Variants in FOXP1 observed in about 807,000 individuals in gnomAD.
FOXP1 encodes the protein forkhead box P1, also known as forkhead box protein P1.
Under a neutral mutation model 98.2 loss-of-function variants are expected in FOXP1, and 15 were observed. The observed-to-expected ratio is 0.15, with a 90% confidence interval of 0.10 to 0.24. The LOEUF (loss-of-function observed/expected upper bound fraction) is 0.24. FOXP1 is among the 10% of genes least tolerant of loss of function. The pLI is 1.00. For missense variants in FOXP1, 633 were observed against 848.5 expected, an observed-to-expected ratio of 0.75 and a Z score of 3.15; for synonymous variants, 371 against 314.5, an observed-to-expected ratio of 1.18 and a Z score of -1.90.
chr3:71,523,760 G>C lies in FOXP1; in HGVS notation c.-297-30205C>G, dbSNP rs115804108. Among the ~76,000 whole-genome samples, 257 of 152,206 alleles carry C rather than the reference G, an allele frequency of 1.7e-3. 2 individuals are homozygous for C. Among genetic ancestry groups the C allele is most frequent in the African/African-American group, 6.1e-3 (253 of 41,510 alleles). The stretch of plus-strand genomic sequence containing the variant: ...TAAGGCATGGATACAGTTTTAGGAG[G>C]CCCTAACATGACTCACAGGGCCCTA... On this transcript the variant is annotated intron_variant, in intron 2 of 20. Transcript: ENST00000649528.
chr3:71,171,013 A>G (rs2061626676), intron 6 of FOXP1, among the ~76,000 whole-genome samples: 3 of 152,152 alleles, frequency 2.0e-5, no homozygotes, highest in Admixed American at 2.0e-4. Flanking sequence ...TTCTTCACCT[A>G]AAACTAACTG....
At chr3:71,384,399 G>C (rs931138884) in intron 3 of FOXP1, among the ~76,000 whole-genome samples, 17 of 152,158 alleles carry the variant, frequency 1.1e-4, no homozygotes, top group African/African-American at 2.9e-4. Context: ...AAAAGCAACG[G>C]AAACAAGGAA....
At chr3:71,505,332 C>A (rs2041728241) in intron 2 of FOXP1, among the ~76,000 whole-genome samples, 1 of 152,048 alleles carries the variant, frequency 6.6e-6, no homozygotes, top group Non-Finnish European at 1.5e-5. Context: ...GACATCTCCC[C>A]CAAGACAGGA....
chr3:71,103,764 A>C (rs888725280), intron 7 of FOXP1, among the ~76,000 whole-genome samples: 1 of 152,232 alleles, frequency 6.6e-6, no homozygotes, highest in African/African-American at 2.4e-5. Flanking sequence ...TCAAATTGAC[A>C]GGGAACGTGA....
intron 3 of FOXP1, among the ~76,000 whole-genome samples, chr3:71,471,639 AT>A (rs1190820582): frequency 1.3e-5 from 2 of 152,180 alleles, no homozygotes; most frequent in Admixed American, 1.3e-4. Context: ...TATAGCGGAC[AT>A]GCAAATTGAA....
chr3:71,051,173 C>T, intron 9 of FOXP1, among the ~76,000 whole-genome samples: 1 of 152,198 alleles, frequency 6.6e-6, no homozygotes, highest in East Asian at 1.9e-4. Context: ...GTGCCATTTC[C>T]ATTTTAATTA....
chr3:70,974,311 T>G (rs1006921732), intron 17 of FOXP1, among the ~76,000 whole-genome samples: 4 of 152,210 alleles, frequency 2.6e-5, no homozygotes, highest in African/African-American at 9.6e-5. Context: ...TTTTTTTTCT[T>G]TTTTTGAAAC....
At chr3:70,979,306 A>AGAAAAG in intron 14 of FOXP1, among the ~76,000 whole-genome samples, 1 of 147,222 alleles carries the variant, frequency 6.8e-6, no homozygotes, top group South Asian at 2.2e-4. Context: ...AAAAAAAAAA[A>AGAAAAG]AAAAAAAAAA....
At chr3:71,536,162 T>G (rs1384541411) in intron 2 of FOXP1, among the ~76,000 whole-genome samples, 1 of 152,148 alleles carries the variant, frequency 6.6e-6, no homozygotes, top group Non-Finnish European at 1.5e-5. Flanking sequence ...GTTTTCAATT[T>G]CACCATGGGT....
intron 5 of FOXP1, among the ~76,000 whole-genome samples, chr3:71,260,235 A>G (rs1404591252): frequency 1.3e-5 from 2 of 152,130 alleles, no homozygotes; most frequent in African/African-American, 4.8e-5. Context: ...CGCCCGCCTC[A>G]GCCTCCCAAA....
chr3:71,003,290 C>T (rs1400472710), intron 12 of FOXP1, among the ~76,000 whole-genome samples: 3 of 152,198 alleles, frequency 2.0e-5, no homozygotes, highest in African/African-American at 7.2e-5. Context: ...TTCTGTGTCT[C>T]TTTTGCAGGA....
At chr3:71,072,974 C>T (rs1413360640) in intron 7 of FOXP1, among the ~76,000 whole-genome samples, 1 of 152,162 alleles carries the variant, frequency 6.6e-6, no homozygotes, top group Non-Finnish European at 1.5e-5. Flanking sequence ...ATGCGTCTAG[C>T]CTGCAGGCCA....
At chr3:71,053,574 G>A in intron 8 of FOXP1, 62 bp downstream of exon 8, 2 of 1,604,756 alleles carry the variant, frequency 1.2e-6, no homozygotes, top group Non-Finnish European at 8.5e-7. Context: ...GATTGCGAAT[G>A]GAGTGATGGG....
chr3:71,507,090 C>T (rs747978782), intron 2 of FOXP1, among the ~76,000 whole-genome samples: 2 of 152,216 alleles, frequency 1.3e-5, no homozygotes, highest in Non-Finnish European at 2.9e-5. Context: ...AATGTGTGAG[C>T]TGCTGCCAGT....
At chr3:71,285,510 G>T (rs566794294) in intron 5 of FOXP1, among the ~76,000 whole-genome samples, 1 of 152,244 alleles carries the variant, frequency 6.6e-6, no homozygotes, top group South Asian at 2.1e-4. Context: ...AGGGTGAAAA[G>T]TGGGCACTTT....
intron 6 of FOXP1, among the ~76,000 whole-genome samples, chr3:71,197,050 C>T (rs1425970243): frequency 3.9e-5 from 6 of 152,148 alleles, no homozygotes; most frequent in East Asian, 1.9e-4. Flanking sequence ...AAAAACTCTT[C>T]GCAAGGAGAA....
chr3:71,530,747 C>T (rs1197063584), intron 2 of FOXP1, among the ~76,000 whole-genome samples: 8 of 152,174 alleles, frequency 5.3e-5, no homozygotes, highest in African/African-American at 1.4e-4. Context: ...TCCAGTTTTA[C>T]AACCAGAAAA....
intron 5 of FOXP1, among the ~76,000 whole-genome samples, chr3:71,278,962 CG>C (rs2071212703): frequency 6.6e-6 from 1 of 151,868 alleles, no homozygotes; most frequent in African/African-American, 2.4e-5. Flanking sequence ...GAGGCCGAGG[CG>C]GGTGGATCAC....
At chr3:71,538,492 C>T (rs1358621181) in intron 2 of FOXP1, among the ~76,000 whole-genome samples, 1 of 152,202 alleles carries the variant, frequency 6.6e-6, no homozygotes, top group Non-Finnish European at 1.5e-5. Context: ...AGCAGGAGTA[C>T]TTCATTCCTT....
Sources: allele counts gnomAD v4.1 joint callset (sites outside exome capture counted in the v4.1 genomes callset), GRCh38; gene constraint gnomAD v4.1.1; transcripts MANE v1.5; gene names NCBI Gene and HGNC (gene_info 2026-07-23, HGNC 2026-07-21).